The following NRXN1 variants were observed in gnomAD, a reference collection of about 807,000 sequenced individuals.
NRXN1 encodes neurexin 1, also known as neurexin-1.
In NRXN1, 39 loss-of-function variants were observed where a neutral mutation model predicts 150.9. That is an observed-to-expected ratio of 0.26 (90% CI 0.20 to 0.34). NRXN1 has a LOEUF of 0.34. Among genes scored for constraint, NRXN1 ranks in the 10% least tolerant of loss-of-function variants. The probability of loss-of-function intolerance (pLI) is 1.00; values close to 1 mark genes in which losing one functional copy is unlikely to be tolerated. For missense variants in NRXN1, 1,815 were observed against 1,949.9 expected, an observed-to-expected ratio of 0.93 and a Z score of 1.30; for synonymous variants, 924 against 757.0, an observed-to-expected ratio of 1.22 and a Z score of -3.62.
intron 5 of NRXN1, among the ~76,000 whole-genome samples, chr2:50,673,062 G>A (rs1053311358): frequency 3.3e-5 from 5 of 152,024 alleles, no homozygotes; most frequent in Non-Finnish European, 7.4e-5. Context: ...GACAATAACA[G>A]TGGGCAATGT....
At chr2:50,411,962 T>G (rs980427723) in intron 17 of NRXN1, among the ~76,000 whole-genome samples, 3 of 152,212 alleles carry the variant, frequency 2.0e-5, no homozygotes, top group Admixed American at 2.0e-4. Flanking sequence ...CATTTTGTTC[T>G]GTACTAAGAA....
At chr2:50,900,824 G>C (rs138150104) in intron 5 of NRXN1, among the ~76,000 whole-genome samples, 1 of 152,116 alleles carries the variant, frequency 6.6e-6, no homozygotes, top group Non-Finnish European at 1.5e-5. Context: ...ATGCAAGAAC[G>C]AGGTGATGAG....
intron 5 of NRXN1, among the ~76,000 whole-genome samples, chr2:50,750,889 G>A (rs1387920432): frequency 6.6e-6 from 1 of 152,004 alleles, no homozygotes; most frequent in East Asian, 1.9e-4. Flanking sequence ...ATGCATAATG[G>A]AGAATGCATA....
chr2:50,505,119 A>G (rs78457247), intron 13 of NRXN1, among the ~76,000 whole-genome samples: 19 of 152,274 alleles, frequency 1.2e-4, no homozygotes, highest in African/African-American at 3.6e-4. Context: ...TTTGCCTTAT[A>G]ATATCATGCA....
At chr2:50,606,967 A>G (rs971994338) in intron 8 of NRXN1, among the ~76,000 whole-genome samples, 1 of 152,132 alleles carries the variant, frequency 6.6e-6, no homozygotes, top group African/African-American at 2.4e-5. Context: ...AAGTGAAAAA[A>G]TGCTGCATTT....
chr2:50,136,090 C>G (rs1002355136), intron 18 of NRXN1, among the ~76,000 whole-genome samples: 1 of 152,098 alleles, frequency 6.6e-6, no homozygotes, highest in African/African-American at 2.4e-5. Flanking sequence ...TCTCCTTGTT[C>G]GGAAGAGTCA....
chr2:49,962,358 AT>A (rs75171792), intron 21 of NRXN1, among the ~76,000 whole-genome samples: 2 of 152,132 alleles, frequency 1.3e-5, no homozygotes, highest in Non-Finnish European at 2.9e-5. Context: ...AGAAATTTGG[AT>A]TTTTTTAAAT....
chr2:50,686,839 T>A (rs1691305019), intron 5 of NRXN1, among the ~76,000 whole-genome samples: 1 of 152,204 alleles, frequency 6.6e-6, no homozygotes. Flanking sequence ...TCTTTTGTAT[T>A]ATGCATGTAA....
chr2:50,944,551 A>C (rs2104521211), intron 2 of NRXN1, among the ~76,000 whole-genome samples: 1 of 152,334 alleles, frequency 6.6e-6, no homozygotes, highest in East Asian at 1.9e-4. Context: ...AAACAGGATA[A>C]AAATAACTTA....
At chr2:50,230,870 A>G (rs11681950) in intron 18 of NRXN1, among the ~76,000 whole-genome samples, 24,448 of 152,036 alleles carry the variant, frequency 0.16, 2,451 homozygotes, top group African/African-American at 0.28. Flanking sequence ...GCCAATAGAA[A>G]TGTGACCATC....
chr2:50,849,924 T>G (rs1212007490), intron 5 of NRXN1, among the ~76,000 whole-genome samples: 1 of 152,076 alleles, frequency 6.6e-6, no homozygotes, highest in African/African-American at 2.4e-5. Flanking sequence ...AATACGTATT[T>G]GTCCAGGTGT....
chr2:50,530,704 C>T (rs942456249), intron 11 of NRXN1, among the ~76,000 whole-genome samples: 4 of 152,118 alleles, frequency 2.6e-5, no homozygotes, highest in African/African-American at 4.8e-5. Context: ...AGCAAAATAC[C>T]ACCACACAGT....
chr2:50,504,665 A>G (rs764090847), intron 13 of NRXN1, among the ~76,000 whole-genome samples: 36 of 152,304 alleles, frequency 2.4e-4, no homozygotes, highest in Admixed American at 3.9e-4. Context: ...TAGACCATCC[A>G]AAACACTGCC....
At chr2:50,801,529 C>T (rs2105694926) in intron 5 of NRXN1, among the ~76,000 whole-genome samples, 1 of 152,132 alleles carries the variant, frequency 6.6e-6, no homozygotes. Context: ...AGGACTAAAG[C>T]ATTCTATGCT....
intron 21 of NRXN1, among the ~76,000 whole-genome samples, chr2:50,004,042 T>A (rs1213052100): frequency 6.6e-6 from 1 of 152,008 alleles, no homozygotes; most frequent in African/African-American, 2.4e-5. Context: ...TGAAAAGGCA[T>A]GGTGTAGTTG....
intron 21 of NRXN1, among the ~76,000 whole-genome samples, chr2:49,965,538 G>C (rs1335523602): frequency 1.3e-5 from 2 of 152,264 alleles, no homozygotes; most frequent in South Asian, 2.1e-4. Context: ...AAAGTGCTGG[G>C]ATTACAGGTG....
chr2:50,563,261 T>G (rs1403698683), intron 8 of NRXN1, among the ~76,000 whole-genome samples: 1 of 152,236 alleles, frequency 6.6e-6, no homozygotes, highest in Non-Finnish European at 1.5e-5. Context: ...TTCCTATTAT[T>G]ACAATTATTT....
rs537361420 is a variant in NRXN1 at position 50,587,733 on chromosome 2, A to T, written c.1320+32289T>A. Among the ~76,000 whole-genome samples the T allele has an allele frequency of 2.0e-5, 3 of 152,310 alleles. No homozygotes were observed. In the South Asian group the frequency reaches 6.2e-4, roughly 32 times the overall value. On this transcript the variant is annotated intron_variant, in intron 8 of 22. Transcript: ENST00000401669. ...GTAAATTGTTTAAATGTAAAATATT[A>T]ATTAAATGATAAGATAGAGAATACA... is the stretch of plus-strand genomic sequence containing the variant.
At chr2:50,203,557 C>T (rs1464467579) in intron 18 of NRXN1, among the ~76,000 whole-genome samples, 3 of 152,126 alleles carry the variant, frequency 2.0e-5, no homozygotes, top group African/African-American at 7.2e-5. Flanking sequence ...GTCTACTCCA[C>T]ACAGGTATAA....
Sources: allele counts gnomAD v4.1 joint callset (sites outside exome capture counted in the v4.1 genomes callset), GRCh38; gene constraint gnomAD v4.1.1; transcripts MANE v1.5; gene names NCBI Gene and HGNC (gene_info 2026-07-23, HGNC 2026-07-21).